Variants in ITGB7 observed in about 807,000 individuals in gnomAD.
ITGB7 encodes integrin subunit beta 7, also known as integrin beta-7.
In ITGB7, 55 loss-of-function variants were observed where a neutral mutation model predicts 83.4. The observed-to-expected ratio is 0.66, with a 90% CI of 0.53 to 0.83. ITGB7 has a LOEUF of 0.83. ITGB7 is among the 40% of genes least tolerant of loss of function. The pLI is 0.00. For synonymous variants in ITGB7, 454 were observed against 423.6 expected (o/e 1.07, Z -0.88); for missense variants, 921 against 1,046.7 (o/e 0.88, Z 1.66).
intron 1 of ITGB7, among the ~76,000 whole-genome samples, chr12:53,205,669 G>T (rs115281983): frequency 6.6e-6 from 1 of 152,016 alleles, no homozygotes; most frequent in South Asian, 2.1e-4. Flanking sequence ...AACTCTTCAG[G>T]ACTTGTACTG....
At position 53,197,411 on chromosome 12, in the gene ITGB7, G is replaced by C. The variant is rs1451142948; in HGVS notation, c.574+82C>G. 3 of 1,532,384 alleles carry C rather than the reference G, an allele frequency of 2.0e-6. No individual in the cohort carries two copies. The African/African-American group carries it at 4.1e-5, about 21-fold the overall frequency. The allele number at this position is 1,532,384 out of a possible 1,614,324, so 94.9% of individuals were successfully genotyped here. A position where few individuals can be genotyped will look rare whatever the true frequency, so the allele number is the denominator to read the frequency against. On this transcript the variant is annotated intron_variant, in intron 5 of 15. Transcript: ENST00000267082. ...ACTGGGAGGGCAAGTTGGGGCCCTT[G>C]TGAGTCCAGGATGTTGGCAGAGGCT...
rs1286768172 is a variant in ITGB7 at position 53,195,450 on chromosome 12, A to G, written c.1085T>C (p.Leu362Pro). 1 of 1,613,714 alleles carries G rather than the reference A, an allele frequency of 6.2e-7. No homozygotes were observed. Among genetic ancestry groups the G allele is most frequent in the African/African-American group, 1.3e-5 (1 of 74,988 alleles). Residue 362 changes from leucine (L) to proline (P), a missense_variant, in exon 9 of 16, where the codon CTG (leucine) becomes CCG (proline). By Grantham distance (98) the Leu-to-Pro change is moderately conservative. Coordinates refer to ENST00000267082, the MANE Select transcript of ITGB7 (RefSeq NM_000889.3). ...ALPVYQELSK[L>P]IPKSAVGELS... is the part of the protein sequence containing the mutation. ...CTCCCCAACTGCAGACTTAGGAATC[A>G]GTTTACTCAGCTCCTGAGTTTTGGG...
chr12:53,194,398 C>T, intron 9 of ITGB7, 54 bp from the exon 10 acceptor site: 1 of 1,575,864 alleles, frequency 6.3e-7, no homozygotes, highest in South Asian at 1.1e-5. Flanking sequence ...GGACTCCAAC[C>T]CCACCTTATG....
At chr12:53,192,595 G>A in intron 13 of ITGB7, 57 bp from the exon 14 acceptor site, 1 of 1,597,028 alleles carries the variant, frequency 6.3e-7, no homozygotes, top group Non-Finnish European at 8.6e-7. Context: ...AATGCCCCTT[G>A]CCCAACTACA....
chr12:53,194,024 C>G, intron 10 of ITGB7, 123 bp from the exon 11 acceptor site: 6 of 1,296,410 alleles, frequency 4.6e-6, no homozygotes, highest in Non-Finnish European at 6.5e-6. Flanking sequence ...TAACACCCAA[C>G]TCCTAGAAAC....
Position 53,195,481 on chromosome 12 carries a change from AAGGGAAATGGTGGGTCACAG to A in ITGB7, c.1072-38_1072-19del. ...CTCAGCTCCTGAGTTTTGGGGAGTT[AAGGGAAATGGTGGGTCACAG>A]CTCTAGGAAAATGGGCTCCCGGAGG... On this transcript the variant is annotated intron_variant, in intron 8 of 15. Coordinates refer to ENST00000267082, the MANE Select transcript of ITGB7 (RefSeq NM_000889.3). 2.5e-6 allele frequency: 4 copies of A among 1,605,578 alleles called. No homozygotes were observed. The highest frequency in any genetic ancestry group is 3.4e-6 in the Non-Finnish European group (4 of 1,172,264).
At chr12:53,192,284 C>G (rs769770872) in intron 14 of ITGB7, 46 bp downstream of exon 14, 16 of 1,582,942 alleles carry the variant, frequency 1.0e-5, no homozygotes, top group South Asian at 4.4e-5. Context: ...GAGTTGAGAC[C>G]CTGCCCATCA....
chr12:53,194,122 C>A, intron 10 of ITGB7, 76 bp downstream of exon 10: 1 of 1,589,564 alleles, frequency 6.3e-7, no homozygotes, highest in South Asian at 1.1e-5. Context: ...ACCTGCCACC[C>A]ATCTTTTCCT....
intron 1 of ITGB7, among the ~76,000 whole-genome samples, chr12:53,201,944 A>G (rs1942331123): frequency 6.6e-6 from 1 of 152,230 alleles, no homozygotes; most frequent in Non-Finnish European, 1.5e-5. Flanking sequence ...GCATAAGGAT[A>G]CACATATATT....
intron 5 of ITGB7, 71 bp from the exon 6 acceptor site, chr12:53,196,891 C>A: frequency 1.3e-6 from 2 of 1,530,900 alleles, no homozygotes; most frequent in Admixed American, 1.9e-5. Flanking sequence ...TGAGAGCGCT[C>A]TATGGGAAGT....
chr12:53,197,815 T>C lies in ITGB7; in HGVS notation c.338A>G (p.Gln113Arg). Residue 113 changes from glutamine (Q) to arginine (R), a missense_variant, in exon 4 of 16, where the codon CAG (glutamine) becomes CGG (arginine). Gln to Arg is a conservative substitution (Grantham distance 43, BLOSUM62 1). Coordinates refer to ENST00000267082, the MANE Select transcript of ITGB7 (RefSeq NM_000889.3). Reference protein sequence around the residue: ...QEVLQDQPLSQGARGEGATQL... With the variant: ...QEVLQDQPLSRGARGEGATQL... ...GGTGGCACCCTCTCCGCGGGCGCCCTGGCTGAGCGGCTGGTCCTGCAGCAC... is the reference window on the plus strand; with the variant it reads ...GGTGGCACCCTCTCCGCGGGCGCCCCGGCTGAGCGGCTGGTCCTGCAGCAC... 6.5e-7 allele frequency: 1 copy of C among 1,537,970 alleles called. No individual in the cohort carries two copies. Among genetic ancestry groups the C allele is most frequent in the Non-Finnish European group, 8.7e-7 (1 of 1,147,088 alleles).
chr12:53,192,579 T>A (rs1420791698), intron 13 of ITGB7, 41 bp from the exon 14 acceptor site: 1 of 1,602,100 alleles, frequency 6.2e-7, no homozygotes, highest in South Asian at 1.1e-5. Flanking sequence ...TGGGCAGTTG[T>A]CACCCAATGC....
At chr12:53,191,737 G>T in intron 15 of ITGB7, 101 bp from the exon 16 acceptor site, 1 of 1,518,114 alleles carries the variant, frequency 6.6e-7, no homozygotes, top group Non-Finnish European at 9.1e-7. Context: ...AGGAGCTGAT[G>T]GAAGTTAGCA....
chr12:53,198,840 C>T (rs1271428099), intron 3 of ITGB7, among the ~76,000 whole-genome samples: 1 of 152,224 alleles, frequency 6.6e-6, no homozygotes, highest in African/African-American at 2.4e-5. Flanking sequence ...GCGTCCTCCC[C>T]ACCAATATGT....
chr12:53,200,694 C>T (rs1942304711), intron 2 of ITGB7, among the ~76,000 whole-genome samples: 1 of 152,062 alleles, frequency 6.6e-6, no homozygotes, highest in South Asian at 2.1e-4. Flanking sequence ...TTTAGGAAGC[C>T]AAGGTGGGTG....
At chr12:53,198,390 C>G (rs1467208256) in intron 3 of ITGB7, among the ~76,000 whole-genome samples, 1 of 151,418 alleles carries the variant, frequency 6.6e-6, no homozygotes, top group Non-Finnish European at 1.5e-5. Flanking sequence ...TCCCAAAGTG[C>G]TGGGATTACA....
At position 53,200,189 on chromosome 12, in the gene ITGB7, A is replaced by G. The variant is rs553614112; in HGVS notation, c.201+54T>C. 4.3e-6 allele frequency: 6 copies of G among 1,409,260 alleles called. No homozygotes were observed. In the Admixed American group the frequency reaches 1.0e-4, roughly 24 times the overall value. 87.3% of individuals were successfully genotyped at this position (1,409,260 alleles called of 1,614,324 possible). A position where few individuals can be genotyped will look rare whatever the true frequency, so the allele number is the denominator to read the frequency against. On this transcript the variant is annotated intron_variant, in intron 3 of 15. Transcript: ENST00000267082. ...ACATATATCCAGGCTGCACATACAT[A>G]TACACATACACATACACATACACAT...
intron 6 of ITGB7, 90 bp downstream of exon 6, chr12:53,196,489 A>C (rs1565703341): frequency 9.6e-6 from 14 of 1,459,104 alleles, no homozygotes; most frequent in Non-Finnish European, 1.3e-5. Context: ...TATGAATGGC[A>C]CCCCCTAGAA....
chr12:53,203,531 C>T (rs79454740), intron 1 of ITGB7, among the ~76,000 whole-genome samples: 9,399 of 151,420 alleles, frequency 0.062, 550 homozygotes, highest in South Asian at 0.15. Context: ...GCCTGTAGCT[C>T]CAGCTACTCG....
Sources: gnomAD v4.1 joint callset for allele counts (sites outside exome capture counted in the v4.1 genomes callset) on GRCh38, gnomAD v4.1.1 for gene constraint, MANE v1.5 for transcripts, NCBI Gene and HGNC (gene_info 2026-07-23, HGNC 2026-07-21) for gene names.